The following CHCHD3 variants were observed in gnomAD, a reference collection of about 807,000 sequenced individuals.
CHCHD3 encodes the protein coiled-coil-helix-coiled-coil-helix domain containing 3, also known as MICOS complex subunit MIC19.
In CHCHD3, 20 loss-of-function variants were observed where a neutral mutation model predicts 38.2. That is an observed-to-expected ratio of 0.52 (90% CI 0.37 to 0.76). The LOEUF is 0.76. CHCHD3 is among the 30% of genes least tolerant of loss of function. The pLI, the probability that CHCHD3 is intolerant of heterozygous loss-of-function variation, is 0.00. For missense variants in CHCHD3, 245 were observed against 279.2 expected (o/e 0.88, Z 0.87); for synonymous variants, 82 against 100.0 (o/e 0.82, Z 1.07).
intron 4 of CHCHD3, among the ~76,000 whole-genome samples, chr7:132,946,119 G>A (rs1371032294): frequency 1.3e-5 from 2 of 151,616 alleles, no homozygotes; most frequent in Admixed American, 6.6e-5. Flanking sequence ...ATATTCTCAC[G>A]TAACCATTAA....
rs78847092 is a variant in CHCHD3, at chr7:132,849,501, C to T, written c.454-11032G>A. Reference sequence around the variant, plus strand: ...TCACCAGTCATCAATAATAAATAACCAAGTTAGCAGTTTCTAATGAATCAA... The same window carrying T: ...TCACCAGTCATCAATAATAAATAACTAAGTTAGCAGTTTCTAATGAATCAA... On this transcript the variant is annotated intron_variant, in intron 5 of 7. Transcript: ENST00000262570. 456 of 152,220 alleles carry T rather than the reference C, an allele frequency of 3.0e-3. 3 individuals are homozygous for T. Among genetic ancestry groups the T allele is most frequent in the African/African-American group, 0.01 (436 of 41,538 alleles). 9.4% of individuals were successfully genotyped at this position (152,220 alleles called of 1,614,324 possible).
At chr7:132,827,827 A>T (rs1807544502) in intron 6 of CHCHD3, among the ~76,000 whole-genome samples, 1 of 152,292 alleles carries the variant, frequency 6.6e-6, no homozygotes, top group South Asian at 2.1e-4. Context: ...TTTGAGATCC[A>T]TCCGTGCTGT....
chr7:132,861,237 T>C (rs1808481609), intron 5 of CHCHD3, among the ~76,000 whole-genome samples: 1 of 152,172 alleles, frequency 6.6e-6, no homozygotes, highest in African/African-American at 2.4e-5. Flanking sequence ...CGAGGAAAAC[T>C]GGAGGAAGAC....
intron 1 of CHCHD3, among the ~76,000 whole-genome samples, chr7:133,074,964 A>C (rs541066614): frequency 6.6e-6 from 1 of 152,168 alleles, no homozygotes; most frequent in South Asian, 2.1e-4. Context: ...ATTTTTATCA[A>C]CTGGGTCTGA....
chr7:132,989,813 T>C (rs572989241), intron 3 of CHCHD3, among the ~76,000 whole-genome samples: 1 of 152,150 alleles, frequency 6.6e-6, no homozygotes, highest in Non-Finnish European at 1.5e-5. Context: ...TGGCCACTTC[T>C]TTGTCTAACT....
chr7:132,861,199 C>G (rs980250648), intron 5 of CHCHD3, among the ~76,000 whole-genome samples: 4 of 152,154 alleles, frequency 2.6e-5, no homozygotes, highest in Admixed American at 6.5e-5. Flanking sequence ...TGAGCTTCAG[C>G]CACTGAGTAG....
intron 2 of CHCHD3, among the ~76,000 whole-genome samples, chr7:133,042,785 G>A (rs1405570931): frequency 6.6e-6 from 1 of 152,104 alleles, no homozygotes; most frequent in Non-Finnish European, 1.5e-5. Context: ...TTACATAAGT[G>A]ATTTTACTTA....
chr7:133,013,175 G>T (rs1041992341), intron 3 of CHCHD3, among the ~76,000 whole-genome samples: 8 of 96,468 alleles, frequency 8.3e-5, no homozygotes, highest in Non-Finnish European at 1.3e-4. Context: ...AACAGAGCAA[G>T]ACTCCGCCTC....
chr7:132,959,448 C>T (rs893974845), intron 4 of CHCHD3, among the ~76,000 whole-genome samples: 1 of 152,162 alleles, frequency 6.6e-6, no homozygotes, highest in African/African-American at 2.4e-5. Flanking sequence ...TGGGGCTGGG[C>T]ATGGTGGCTC....
At chr7:133,065,105 A>T (rs891759960) in intron 2 of CHCHD3, among the ~76,000 whole-genome samples, 3 of 152,216 alleles carry the variant, frequency 2.0e-5, no homozygotes, top group Non-Finnish European at 4.4e-5. Flanking sequence ...GCCTAAGAAA[A>T]AAATTATCTG....
intron 3 of CHCHD3, among the ~76,000 whole-genome samples, chr7:132,985,724 GGGA>G (rs1812096755): frequency 1.1e-5 from 1 of 94,274 alleles, no homozygotes; most frequent in Admixed American, 1.1e-4. Flanking sequence ...CCATCCGGGA[GGGA>G]GGAGGGGAGG....
chr7:132,855,692 A>G (rs972375732), intron 5 of CHCHD3, among the ~76,000 whole-genome samples: 9 of 152,062 alleles, frequency 5.9e-5, no homozygotes, highest in African/African-American at 2.2e-4. Flanking sequence ...GGTGTATTTT[A>G]TATGCTACCA....
intron 5 of CHCHD3, among the ~76,000 whole-genome samples, chr7:132,844,528 G>A (rs968275072): frequency 6.6e-6 from 1 of 152,164 alleles, no homozygotes; most frequent in African/African-American, 2.4e-5. Context: ...CCAATGGTAC[G>A]GTTAATGTAA....
intron 4 of CHCHD3, 96 bp downstream of exon 4, chr7:132,975,073 T>C (rs1462001919): frequency 2.2e-6 from 2 of 925,168 alleles, no homozygotes; most frequent in Admixed American, 1.9e-5. Context: ...AATAATATTA[T>C]CAACACTAAA....
chr7:132,882,933 G>A (rs1295776108), intron 5 of CHCHD3, among the ~76,000 whole-genome samples: 1 of 152,130 alleles, frequency 6.6e-6, no homozygotes, highest in African/African-American at 2.4e-5. Flanking sequence ...GGAGGGACCT[G>A]GTGGGAGGTA....
At chr7:132,893,024 T>C (rs1809405498) in intron 4 of CHCHD3, among the ~76,000 whole-genome samples, 1 of 152,184 alleles carries the variant, frequency 6.6e-6, no homozygotes, top group Admixed American at 6.5e-5. Flanking sequence ...GGGCACTGCC[T>C]AGTGGACCTG....
chr7:132,915,934 T>G (rs1479662523), intron 4 of CHCHD3, among the ~76,000 whole-genome samples: 1 of 151,600 alleles, frequency 6.6e-6, no homozygotes, highest in African/African-American at 2.4e-5. Context: ...TTTGGTTTTT[T>G]TTTAATTTTT....
intron 5 of CHCHD3, among the ~76,000 whole-genome samples, chr7:132,875,518 C>CA (rs1448603874): frequency 6.6e-6 from 1 of 152,118 alleles, no homozygotes; most frequent in Non-Finnish European, 1.5e-5. Flanking sequence ...ACTTTCCCCC[C>CA]AAAATCCCAT....
chr7:132,976,158 A>T (rs1297177020), intron 3 of CHCHD3, among the ~76,000 whole-genome samples: 1 of 152,018 alleles, frequency 6.6e-6, no homozygotes, highest in African/African-American at 2.4e-5. Context: ...CCAGTATATT[A>T]CCCCTATTTT....
Sources: allele counts gnomAD v4.1 joint callset (sites outside exome capture counted in the v4.1 genomes callset), GRCh38; gene constraint gnomAD v4.1.1; transcripts MANE v1.5; gene names NCBI Gene and HGNC (gene_info 2026-07-23, HGNC 2026-07-21).